Variants in CBX6 observed in about 807,000 individuals in gnomAD.
CBX6 encodes chromobox 6, also known as chromobox protein homolog 6.
CBX6 carries 7 observed loss-of-function variants against 28.4 expected under a neutral mutation model. That is an observed-to-expected ratio of 0.25 (90% CI 0.14 to 0.46). The LOEUF (loss-of-function observed/expected upper bound fraction) is 0.46, where lower values mean the gene tolerates loss of function less well. Among genes scored for constraint, CBX6 ranks in the 20% least tolerant of loss-of-function variants. The probability of loss-of-function intolerance (pLI) is 0.99; values close to 1 mark genes in which losing one functional copy is unlikely to be tolerated. For missense variants in CBX6, 512 were observed against 606.1 expected (o/e 0.84, Z 1.63); for synonymous variants, 297 against 273.4 (o/e 1.09, Z -0.85).
Position 38,871,414 on chromosome 22 carries a change from A to C in CBX6, c.246+66T>G, listed in dbSNP as rs760675874. ...GGCCGCGTATCTGTCCCTCCCTTCC[A>C]GGCCCCGTGCTGTGCCGGGGCTGGG... On this transcript the variant is annotated intron_variant, in intron 4 of 4. Transcript: ENST00000407418. The surrounding 1 kb of genome is among the most constrained non-coding windows in gnomAD (Gnocchi z 5.6). 5.4e-6 allele frequency: 8 copies of C among 1,470,474 alleles called. No individual in the cohort carries two copies. The highest frequency in any genetic ancestry group is 7.4e-6 in the Non-Finnish European group (8 of 1,077,380). The allele number at this position is 1,470,474 out of a possible 1,614,324, so 91.1% of individuals were successfully genotyped here.
chr22:38,871,648 G>C lies in CBX6; in HGVS notation c.179+44C>G, dbSNP rs375896091. The C allele has an allele frequency of 6.2e-7, 1 of 1,611,676 alleles. No homozygotes were observed. Among genetic ancestry groups the C allele is most frequent in the Non-Finnish European group, 8.5e-7 (1 of 1,178,730 alleles). On this transcript the variant is annotated intron_variant, in intron 3 of 4. Coordinates refer to ENST00000407418, the MANE Select transcript of CBX6 (RefSeq NM_014292.5). The surrounding 1 kb of genome is among the most constrained non-coding windows in gnomAD (Gnocchi z 5.6). ...CGCTTCCCCGCGCGGCGCCCCAGCC[G>C]AGCCTCGGCCTCGCAGCCCCTGCCA...
chr22:38,872,035 C>G lies in CBX6; in HGVS notation c.69+87G>C, dbSNP rs1319481729. On this transcript the variant is annotated intron_variant, in intron 1 of 4. Transcript: ENST00000407418. The surrounding 1 kb of genome is among the most constrained non-coding windows in gnomAD (Gnocchi z 5.0). ...GCGGCGCGGGGCTGGGCGAGGGAGC[C>G]GGGCTAGCGGGACCGCTTCGCCCCG... 7.5e-7 allele frequency: 1 copy of G among 1,333,540 alleles called. No individual in the cohort carries two copies. The highest frequency in any genetic ancestry group is 9.7e-7 in the Non-Finnish European group (1 of 1,030,784). The allele number at this position is 1,333,540 out of a possible 1,614,324, so 82.6% of individuals were successfully genotyped here.
intron 4 of CBX6, among the ~76,000 whole-genome samples, chr22:38,869,067 C>A (rs9611041): frequency 6.6e-6 from 1 of 152,066 alleles, no homozygotes; most frequent in Non-Finnish European, 1.5e-5. Flanking sequence ...CCTGCCCATG[C>A]CAATGCTGCC....
In CBX6 at chr22:38,872,195, C is replaced by A. The variant is rs767382636; in HGVS notation, c.-5G>T. On this transcript the variant is annotated 5_prime_UTR_variant, in exon 1 of 5. Transcript: ENST00000407418. This position sits in a 1 kb window ranked among gnomAD's most constrained non-coding sequence, Gnocchi z 5.0. The stretch of plus-strand genomic sequence containing the variant: ...GCCCACTGCAGACAGCTCCATCTTG[C>A]TCAGCGGCACCCACAGCCCATAATA... The A allele has an allele frequency of 2.2e-6, 3 of 1,394,266 alleles. No homozygotes were observed. The East Asian group carries it at 1.2e-4, about 56-fold the overall frequency. 86.4% of individuals were successfully genotyped at this position (1,394,266 alleles called of 1,614,324 possible).
rs1345249839 is a variant in CBX6 at position 38,865,979 on chromosome 22, C to T, written c.*230G>A. 4 of 569,200 alleles carry T rather than the reference C, an allele frequency of 7.0e-6. No homozygotes were observed. Among genetic ancestry groups the T allele is most frequent in the South Asian group, 4.6e-5 (2 of 43,634 alleles). 35.3% of individuals were successfully genotyped at this position (569,200 alleles called of 1,614,324 possible). On this transcript the variant is annotated 3_prime_UTR_variant, in exon 5 of 5. Coordinates refer to ENST00000407418, the MANE Select transcript of CBX6 (RefSeq NM_014292.5). The stretch of plus-strand genomic sequence containing the variant: ...GGCTTTCCAGAAACCACCCAGTGGG[C>T]TACCATGCATGGGCAGGGGGTGTGC...
In CBX6 at chr22:38,863,360, C is replaced by T. The variant is rs2093162005; in HGVS notation, c.*2849G>A. On this transcript the variant is annotated 3_prime_UTR_variant, in exon 5 of 5. Transcript: ENST00000407418. ...ATATTGAACGTAGGAGGAGATTGGGCTTTGGGGGTTATTTCACATACAAAA... is the reference window on the plus strand; with the variant it reads ...ATATTGAACGTAGGAGGAGATTGGGTTTTGGGGGTTATTTCACATACAAAA... 1 of 152,068 alleles carries T rather than the reference C, an allele frequency of 6.6e-6. No individual in the cohort carries two copies. The highest frequency in any genetic ancestry group is 6.5e-5 in the Admixed American group (1 of 15,274). The allele number at this position is 152,068 out of a possible 1,614,324, so 9.4% of individuals were successfully genotyped here. A position where few individuals can be genotyped will look rare whatever the true frequency, so the allele number is the denominator to read the frequency against.
chr22:38,871,948 G>A lies in CBX6; in HGVS notation c.70-3C>T, dbSNP rs888090245. On this transcript the variant is annotated splice_region_variant and splice_polypyrimidine_tract_variant and intron_variant, in intron 1 of 4. Transcript: ENST00000407418. The surrounding 1 kb of genome is among the most constrained non-coding windows in gnomAD (Gnocchi z 5.6). ...TTCACCAGGTACTCGATGCGTCCCT[G>A]AAAAACAGAGGGGAGAAAAACGGGG... The A allele has an allele frequency of 2.1e-6, 3 of 1,418,630 alleles. No homozygotes were observed. Among genetic ancestry groups the A allele is most frequent in the African/African-American group, 2.9e-5 (2 of 68,374 alleles). 87.9% of individuals were successfully genotyped at this position (1,418,630 alleles called of 1,614,324 possible).
chr22:38,867,228 G>GTGGGGGGGGGGGC, intron 4 of CBX6, 27 bp from the exon 5 acceptor site: 2 of 518,864 alleles, frequency 3.9e-6, no homozygotes, highest in East Asian at 5.0e-5. Flanking sequence ...GGGTGGGTGG[G>GTGGGGGGGGGGGC]ACCTCAGGAC....
At position 38,862,428 on chromosome 22, in the gene CBX6, C is replaced by T. The variant is rs1310386704; in HGVS notation, c.*3781G>A. 2.0e-5 allele frequency: 3 copies of T among 150,618 alleles called. No individual in the cohort carries two copies. Among genetic ancestry groups the T allele is most frequent in the East Asian group, 2.0e-4 (1 of 5,126 alleles). The allele number at this position is 150,618 out of a possible 1,614,324, so 9.3% of individuals were successfully genotyped here. A position where few individuals can be genotyped will look rare whatever the true frequency, so the allele number is the denominator to read the frequency against. On this transcript the variant is annotated 3_prime_UTR_variant, in exon 5 of 5. Transcript: ENST00000407418. The stretch of plus-strand genomic sequence containing the variant: ...TAAAAGTGTTTCCTCAAACCATCCC[C>T]GTCCCAAAGAGGCCGCCTTGGGCAA...
rs1171619057 is a variant in CBX6, at chr22:38,872,006, G to A, written c.70-61C>T. The stretch of plus-strand genomic sequence containing the variant: ...TGGGGAGGATGCGGGGACGCGAGGA[G>A]GCGGCGGCGCGGGGCTGGGCGAGGG... On this transcript the variant is annotated intron_variant, in intron 1 of 4. Coordinates refer to ENST00000407418, the MANE Select transcript of CBX6 (RefSeq NM_014292.5). This position sits in a 1 kb window ranked among gnomAD's most constrained non-coding sequence, Gnocchi z 5.0. The A allele has an allele frequency of 2.1e-6, 3 of 1,424,830 alleles. No individual in the cohort carries two copies. 88.3% of individuals were successfully genotyped at this position (1,424,830 alleles called of 1,614,324 possible).
chr22:38,871,385 G>T lies in CBX6; in HGVS notation c.246+95C>A. On this transcript the variant is annotated intron_variant, in intron 4 of 4. Transcript: ENST00000407418. This position sits in a 1 kb window ranked among gnomAD's most constrained non-coding sequence, Gnocchi z 5.6. The stretch of plus-strand genomic sequence containing the variant: ...CCCCTCTGAAAAGGCCGGCCCGCTT[G>T]GGCGGCCGCGTATCTGTCCCTCCCT... The T allele has an allele frequency of 1.5e-6, 2 of 1,301,274 alleles. No homozygotes were observed. Among genetic ancestry groups the T allele is most frequent in the Non-Finnish European group, 2.1e-6 (2 of 936,174 alleles). The allele number at this position is 1,301,274 out of a possible 1,614,324, so 80.6% of individuals were successfully genotyped here.
Position 38,866,698 on chromosome 22 carries a change from A to G in CBX6, c.750T>C (p.Ala250=), listed in dbSNP as rs369522817. ...GCCCAGGGCCCGGGGCTGAGGCCTC[A>G]GCCTTGCCGGGGGACGGGGCTACCA... ...APLVAPSPGK[A]EASAPGPGLL... Residue 250 remains alanine (A), a synonymous_variant, in exon 5 of 5, where the codon GCT becomes GCC. Coordinates refer to ENST00000407418, the MANE Select transcript of CBX6 (RefSeq NM_014292.5). This position sits in a 1 kb window ranked among gnomAD's most constrained non-coding sequence, Gnocchi z 7.5. 7.1e-5 allele frequency: 93 copies of G among 1,316,424 alleles called. No homozygotes were observed. In the African/African-American group the frequency reaches 1.5e-3, roughly 21 times the overall value. 81.5% of individuals were successfully genotyped at this position (1,316,424 alleles called of 1,614,324 possible).
At position 38,866,911 on chromosome 22, in the gene CBX6, C is replaced by T. The variant is rs1342287533; in HGVS notation, c.537G>A (p.Lys179=). The T allele has an allele frequency of 8.7e-6, 14 of 1,603,356 alleles. No homozygotes were observed. Among genetic ancestry groups the T allele is most frequent in the Non-Finnish European group, 1.2e-5 (14 of 1,175,516 alleles). Residue 179 remains lysine, a synonymous_variant, in exon 5 of 5, where the codon AAG becomes AAA. Coordinates refer to ENST00000407418, the MANE Select transcript of CBX6 (RefSeq NM_014292.5). The surrounding 1 kb of genome is among the most constrained non-coding windows in gnomAD (Gnocchi z 7.5). ...PKRNRIILNL[K]VIDKGAGGGG... ...CGCCGCCAGCGCCCTTGTCGATCAC[C>T]TTCAGGTTCAGGATGATGCGGTTCC...
chr22:38,862,512 G>A lies in CBX6; in HGVS notation c.*3697C>T, dbSNP rs1350211111. The A allele has an allele frequency of 5.7e-5, 5 of 88,024 alleles. No homozygotes were observed. Among genetic ancestry groups the A allele is most frequent in the African/African-American group, 2.0e-4 (4 of 19,876 alleles). The allele number at this position is 88,024 out of a possible 1,614,324, so 5.5% of individuals were successfully genotyped here. ...TGGGGCTCCACTGTCCTGTGTGGGC[G>A]AAGTGCAAAAAAAAAAAAAAAAAAA... On this transcript the variant is annotated 3_prime_UTR_variant, in exon 5 of 5. Transcript: ENST00000407418.
rs774811478 is a variant in CBX6 at position 38,871,674 on chromosome 22, G to A, written c.179+18C>T. 1 of 1,613,206 alleles carries A rather than the reference G, an allele frequency of 6.2e-7. No individual in the cohort carries two copies. Among genetic ancestry groups the A allele is most frequent in the East Asian group, 2.2e-5 (1 of 44,840 alleles). On this transcript the variant is annotated intron_variant, in intron 3 of 4. Transcript: ENST00000407418. This position sits in a 1 kb window ranked among gnomAD's most constrained non-coding sequence, Gnocchi z 5.6. ...AGCCTCGGCCTCGCAGCCCCTGCCA[G>A]CTTCCCCAACAACTCACTTTTGTTC...
chr22:38,872,091 C>T lies in CBX6; in HGVS notation c.69+31G>A. On this transcript the variant is annotated intron_variant, in intron 1 of 4. Transcript: ENST00000407418. The surrounding 1 kb of genome is among the most constrained non-coding windows in gnomAD (Gnocchi z 5.0). The stretch of plus-strand genomic sequence containing the variant: ...CCCCGGCCCCGGCCCCGGCTGCGGA[C>T]AGCGGCGGCCCGCCCCGGGCGGCGG... 6 of 1,335,390 alleles carry T rather than the reference C, an allele frequency of 4.5e-6. No individual in the cohort carries two copies. Among genetic ancestry groups the T allele is most frequent in the Non-Finnish European group, 5.8e-6 (6 of 1,032,454 alleles). The allele number at this position is 1,335,390 out of a possible 1,614,324, so 82.7% of individuals were successfully genotyped here.
At chr22:38,867,544 C>T (rs1568996328) in intron 4 of CBX6, among the ~76,000 whole-genome samples, 1 of 152,184 alleles carries the variant, frequency 6.6e-6, no homozygotes, top group African/African-American at 2.4e-5. Context: ...ACAATTGGGA[C>T]ACAGTGTCGG....
In CBX6 at chr22:38,863,756, C is replaced by T. The variant is rs1162072747; in HGVS notation, c.*2453G>A. 6.6e-6 allele frequency: 1 copy of T among 152,164 alleles called. No homozygotes were observed. Among genetic ancestry groups the T allele is most frequent in the Non-Finnish European group, 1.5e-5 (1 of 68,058 alleles). 9.4% of individuals were successfully genotyped at this position (152,164 alleles called of 1,614,324 possible). A position where few individuals can be genotyped will look rare whatever the true frequency, so the allele number is the denominator to read the frequency against. The stretch of plus-strand genomic sequence containing the variant: ...TCTTGCCTCCTGAAGCCTGCATCCC[C>T]TTTCAGGCCAGGGAGGCTCAGAGAG... On this transcript the variant is annotated 3_prime_UTR_variant, in exon 5 of 5. Transcript: ENST00000407418.
Position 38,871,822 on chromosome 22 carries a change from C to CA in CBX6, c.114-66dup. The CA allele has an allele frequency of 6.3e-7, 1 of 1,581,852 alleles. No individual in the cohort carries two copies. The highest frequency in any genetic ancestry group is 1.1e-5 in the South Asian group (1 of 87,030). On this transcript the variant is annotated intron_variant, in intron 2 of 4. Transcript: ENST00000407418. The surrounding 1 kb of genome is among the most constrained non-coding windows in gnomAD (Gnocchi z 5.6). ...GAGAGGGACAGGCACGCGGCGAGAGCAAGAGCGCGCACCCCCACCCCAGGC... is the reference window on the plus strand; with the variant it reads ...GAGAGGGACAGGCACGCGGCGAGAGCAAAGAGCGCGCACCCCCACCCCAGGC...
Sources: allele counts gnomAD v4.1 joint callset (sites outside exome capture counted in the v4.1 genomes callset), GRCh38; gene constraint gnomAD v4.1.1; non-coding constraint Gnocchi (gnomAD v3.1); transcripts MANE v1.5; gene names NCBI Gene and HGNC (gene_info 2026-07-23, HGNC 2026-07-21).